KCNIP4: variants seen among roughly 807,000 people sequenced by gnomAD.
KCNIP4 encodes the protein potassium voltage-gated channel interacting protein 4, also known as Kv channel-interacting protein 4.
Under a neutral mutation model 34.0 loss-of-function variants are expected in KCNIP4, and 12 were observed. That is an observed-to-expected ratio of 0.35 (90% confidence interval 0.23 to 0.57). KCNIP4 has a LOEUF of 0.57. Ranked by LOEUF, KCNIP4 falls within the 20% of genes least tolerant of loss-of-function variation. The probability of loss-of-function intolerance (pLI) is 0.83; values close to 1 mark genes in which losing one functional copy is unlikely to be tolerated. For missense variants in KCNIP4, 238 were observed against 311.7 expected (o/e 0.76, Z 1.78); for synonymous variants, 124 against 102.2 (o/e 1.21, Z -1.29).
At chr4:21,243,053 ATCACTAACGTTATT>A (rs1560208821) in intron 1 of KCNIP4, among the ~76,000 whole-genome samples, 1 of 152,134 alleles carries the variant, frequency 6.6e-6, no homozygotes, top group Admixed American at 6.6e-5. Context: ...AATATTTCTT[ATCACTAACGTTATT>A]ATCATTATCA....
intron 2 of KCNIP4, among the ~76,000 whole-genome samples, chr4:20,867,094 ATAGAT>A (rs1423820366): frequency 1.3e-5 from 2 of 152,130 alleles, no homozygotes; most frequent in Non-Finnish European, 2.9e-5. Flanking sequence ...AATGCAATTT[ATAGAT>A]TAAATACTAT....
At chr4:20,802,449 A>C (rs1714450860) in intron 3 of KCNIP4, among the ~76,000 whole-genome samples, 1 of 152,028 alleles carries the variant, frequency 6.6e-6, no homozygotes, top group Admixed American at 6.6e-5. Context: ...TAGATCAACC[A>C]GATAGAAAAT....
At chr4:21,171,546 C>T (rs1754023867) in intron 1 of KCNIP4, among the ~76,000 whole-genome samples, 1 of 152,232 alleles carries the variant, frequency 6.6e-6, no homozygotes, top group African/African-American at 2.4e-5. Flanking sequence ...TTCAGAACAG[C>T]GATGGGATCA....
chr4:20,987,655 G>A (rs1736694005), intron 1 of KCNIP4, among the ~76,000 whole-genome samples: 1 of 152,102 alleles, frequency 6.6e-6, no homozygotes, highest in East Asian at 1.9e-4. Context: ...AAAAATAGTA[G>A]CTACCAACAT....
At chr4:20,996,000 G>C (rs1737518469) in intron 1 of KCNIP4, among the ~76,000 whole-genome samples, 1 of 152,206 alleles carries the variant, frequency 6.6e-6, no homozygotes, top group Admixed American at 6.5e-5. Context: ...GGTGATGTTA[G>C]TCAGGGAGTG....
At chr4:20,859,146 T>G (rs192767540) in intron 2 of KCNIP4, among the ~76,000 whole-genome samples, 75 of 152,298 alleles carry the variant, frequency 4.9e-4, no homozygotes, top group African/African-American at 1.8e-3. Context: ...CAGACAAAGC[T>G]GTGCTGATAA....
intron 1 of KCNIP4, among the ~76,000 whole-genome samples, chr4:21,093,951 G>C (rs528486641): frequency 6.6e-6 from 1 of 151,880 alleles, no homozygotes; most frequent in African/African-American, 2.4e-5. Context: ...GCGTGGTGGC[G>C]GGCGCCTGTA....
intron 1 of KCNIP4, chr4:21,843,240 G>A (rs995048408): frequency 2.6e-5 from 4 of 151,878 alleles, no homozygotes; most frequent in Admixed American, 6.6e-5. Flanking sequence ...TCCACTTCTC[G>A]AACACCTTTT....
chr4:21,102,953 G>A (rs1393892829), intron 1 of KCNIP4, among the ~76,000 whole-genome samples: 1 of 151,996 alleles, frequency 6.6e-6, no homozygotes, highest in Non-Finnish European at 1.5e-5. Flanking sequence ...ACCACAGATT[G>A]GCTGGTAGGA....
At chr4:21,835,615 T>G (rs1427319005) in intron 1 of KCNIP4, among the ~76,000 whole-genome samples, 3 of 152,136 alleles carry the variant, frequency 2.0e-5, no homozygotes, top group African/African-American at 7.2e-5. Flanking sequence ...TGTTGTTGTT[T>G]TTAACTAACA....
At chr4:21,935,307 A>G (rs925615654) in intron 1 of KCNIP4, among the ~76,000 whole-genome samples, 1 of 152,044 alleles carries the variant, frequency 6.6e-6, no homozygotes, top group Admixed American at 6.6e-5. Context: ...ACATCAGACA[A>G]GAGGACTCTT....
intron 1 of KCNIP4, among the ~76,000 whole-genome samples, chr4:21,685,382 T>C (rs1287840430): frequency 1.3e-5 from 2 of 152,134 alleles, no homozygotes; most frequent in East Asian, 1.9e-4. Flanking sequence ...GAAACTGATA[T>C]CATGGGGGGA....
chr4:21,016,292 T>C (rs1292033373), intron 1 of KCNIP4, among the ~76,000 whole-genome samples: 2 of 148,014 alleles, frequency 1.4e-5, no homozygotes, highest in African/African-American at 5.1e-5. Flanking sequence ...TTCTTTTCTT[T>C]TTTTCTTTTT....
intron 1 of KCNIP4, among the ~76,000 whole-genome samples, chr4:21,143,992 G>A (rs1036826167): frequency 4.6e-5 from 7 of 152,272 alleles, no homozygotes; most frequent in African/African-American, 1.7e-4. Flanking sequence ...ACAGGCGTGA[G>A]CCACCGCGCC....
At chr4:21,154,049 A>C (rs1185514756) in intron 1 of KCNIP4, among the ~76,000 whole-genome samples, 1 of 152,162 alleles carries the variant, frequency 6.6e-6, no homozygotes, top group African/African-American at 2.4e-5. Flanking sequence ...AAAAGAAATT[A>C]TCCTATTGCT....
chr4:21,850,754 A>G (rs1220249200), intron 1 of KCNIP4: 2 of 152,114 alleles, frequency 1.3e-5, no homozygotes, highest in African/African-American at 4.8e-5. Context: ...GATCCCGATA[A>G]GATCATCTTG....
chr4:21,141,800 G>A (rs1751972362), intron 1 of KCNIP4, among the ~76,000 whole-genome samples: 1 of 151,960 alleles, frequency 6.6e-6, no homozygotes, highest in Non-Finnish European at 1.5e-5. Context: ...AAGGTAATGA[G>A]GTCAAGCAAG....
chr4:21,369,550 T>C (rs1007324678), intron 1 of KCNIP4, among the ~76,000 whole-genome samples: 3 of 146,962 alleles, frequency 2.0e-5, no homozygotes, highest in Non-Finnish European at 2.9e-5. Flanking sequence ...TGAGCCATGA[T>C]TGTACCTTTA....
chr4:21,364,465 G>T (rs1290599120), intron 1 of KCNIP4, among the ~76,000 whole-genome samples: 1 of 152,040 alleles, frequency 6.6e-6, no homozygotes, highest in African/African-American at 2.4e-5. Context: ...TTGGGCAGAA[G>T]AAATTGTTTC....
Sources: gnomAD v4.1 joint callset for allele counts (sites outside exome capture counted in the v4.1 genomes callset) on GRCh38, gnomAD v4.1.1 for gene constraint, MANE v1.5 for transcripts, NCBI Gene and HGNC (gene_info 2026-07-23, HGNC 2026-07-21) for gene names.